SYNE4: variants seen among roughly 807,000 people sequenced by gnomAD.
SYNE4 encodes nesprin-4.
In SYNE4, 41 loss-of-function variants were observed where a neutral mutation model predicts 46.9. The observed-to-expected ratio is 0.87, with a 90% CI of 0.68 to 1.13. The LOEUF (loss-of-function observed/expected upper bound fraction) is 1.13, where lower values mean the gene tolerates loss of function less well. Among genes scored for constraint, SYNE4 ranks in the 50% most tolerant of loss-of-function variants. SYNE4 has a pLI of 0.00. For synonymous variants in SYNE4, 221 were observed against 219.5 expected (o/e 1.01, Z -0.06); for missense variants, 492 against 514.8 (o/e 0.96, Z 0.43).
At chr19:36,004,391 C>T (rs1976780093) in intron 6 of SYNE4, among the ~76,000 whole-genome samples, 2 of 152,210 alleles carry the variant, frequency 1.3e-5, no homozygotes, top group Admixed American at 6.5e-5. Context: ...ATTTCTTCTC[C>T]TTTCCTGGCA....
At position 36,008,703 on chromosome 19, in the gene SYNE4, AAGTC is replaced by A. The variant is rs1568532962; in HGVS notation, c.-26_-23del. ...CCATGGCTGGGGGCCTGGGGACACA[AAGTC>A]AGGTGAGGGCAGCCAGTAAGACCTC... On this transcript the variant is annotated 5_prime_UTR_variant, in exon 1 of 8. Transcript: ENST00000324444. 6.3e-7 allele frequency: 1 copy of A among 1,596,896 alleles called. No individual in the cohort carries two copies. Among genetic ancestry groups the A allele is most frequent in the Non-Finnish European group, 8.5e-7 (1 of 1,172,206 alleles).
chr19:36,008,462 G>A (rs1424639149), intron 1 of SYNE4, 92 bp downstream of exon 1: 7 of 1,601,230 alleles, frequency 4.4e-6, no homozygotes, highest in East Asian at 2.2e-5. Flanking sequence ...ATGTCCCCAG[G>A]CGATCACAGC....
rs1317180828 is a variant in SYNE4, at chr19:36,003,602, A to G, written c.1031+11T>C. ...CCCCCACACCCTAGTCCCATCTCTC[A>G]GGCACCTCACCCTGGATTCCCCTCC... On this transcript the variant is annotated intron_variant, in intron 7 of 7. Transcript: ENST00000324444. The G allele has an allele frequency of 6.2e-7, 1 of 1,612,332 alleles. No homozygotes were observed. Among genetic ancestry groups the G allele is most frequent in the Non-Finnish European group, 8.5e-7 (1 of 1,179,372 alleles).
chr19:36,005,693 C>T (rs1245641992), intron 5 of SYNE4: 1 of 434,012 alleles, frequency 2.3e-6, no homozygotes, highest in Non-Finnish European at 4.2e-6. Flanking sequence ...CTCCGTGGAG[C>T]TTATATTTGA....
chr19:36,003,807 C>A, intron 6 of SYNE4, 136 bp from the exon 7 acceptor site: 1 of 1,313,734 alleles, frequency 7.6e-7, no homozygotes. Flanking sequence ...GCAACCTCAG[C>A]CTCCCGGGTT....
chr19:36,004,663 C>A (rs1976785618), intron 6 of SYNE4, among the ~76,000 whole-genome samples: 1 of 152,146 alleles, frequency 6.6e-6, no homozygotes, highest in African/African-American at 2.4e-5. Flanking sequence ...CAGCCCATGA[C>A]CCCATCCGGT....
In SYNE4 at chr19:36,003,368, A is replaced by C; in HGVS notation, c.1184T>G (p.Leu395Arg). 6.2e-7 allele frequency: 1 copy of C among 1,614,146 alleles called. No individual in the cohort carries two copies. The highest frequency in any genetic ancestry group is 8.5e-7 in the Non-Finnish European group (1 of 1,180,024). ...TGGGGGAAGACCATTGACATAGCTG[A>C]GCACCAGGTAGGGTGTCCTGGGTAT... is the stretch of plus-strand genomic sequence containing the variant. ...ARIPRTPYLV[L>R]SYVNGLPPV Residue 395 changes from leucine to arginine, a missense_variant, in exon 8 of 8, where the codon CTC becomes CGC. Transcript: ENST00000324444.
Position 36,003,309 on chromosome 19 carries a change from C to G in SYNE4, c.*28G>C. 2.5e-6 allele frequency: 4 copies of G among 1,613,188 alleles called. No individual in the cohort carries two copies. The highest frequency in any genetic ancestry group is 1.7e-6 in the Non-Finnish European group (2 of 1,179,632). On this transcript the variant is annotated 3_prime_UTR_variant, in exon 8 of 8. Coordinates refer to ENST00000324444, the MANE Select transcript of SYNE4 (RefSeq NM_001039876.3). Reference sequence around the variant, plus strand: ...AAGGCACCTAGTATCTTCACACATCCTTTGACAGTGACCATTTATTACACA... The same window carrying G: ...AAGGCACCTAGTATCTTCACACATCGTTTGACAGTGACCATTTATTACACA...
chr19:36,006,898 A>G lies in SYNE4; in HGVS notation c.470T>C (p.Leu157Pro). The change falls in exon 4 of 8, where the codon CTG becomes CCG. Residue 157 changes from leucine (L) to proline (P), a missense_variant. Coordinates refer to ENST00000324444, the MANE Select transcript of SYNE4 (RefSeq NM_001039876.3). ...TGCCAGCCCCTCACCAAACGCTAGC[A>G]GCGCCTCCACACGCTCAGCTGCCCC... ...LRGAAERVEA[L>P]LAFGEGLAQR... is the part of the protein sequence containing the mutation. The G allele has an allele frequency of 2.6e-6, 4 of 1,558,746 alleles. No homozygotes were observed. The highest frequency in any genetic ancestry group is 3.5e-6 in the Non-Finnish European group (4 of 1,151,748).
chr19:36,005,206 C>T, intron 6 of SYNE4, 127 bp downstream of exon 6: 2 of 998,258 alleles, frequency 2.0e-6, no homozygotes, highest in South Asian at 1.6e-5. Flanking sequence ...TTCAACAGTG[C>T]CTGGACCTTT....
At chr19:36,004,291 G>A (rs1445329480) in intron 6 of SYNE4, among the ~76,000 whole-genome samples, 2 of 152,116 alleles carry the variant, frequency 1.3e-5, no homozygotes, top group African/African-American at 4.8e-5. Context: ...CCAAAGTGTT[G>A]GGATCACAGG....
At chr19:36,004,614 A>G (rs1431739223) in intron 6 of SYNE4, among the ~76,000 whole-genome samples, 1 of 152,238 alleles carries the variant, frequency 6.6e-6, no homozygotes, top group Admixed American at 6.5e-5. Context: ...GGTGTGACCC[A>G]GACCTGGCCA....
At position 36,005,223 on chromosome 19, in the gene SYNE4, C is replaced by CT. The variant is rs557191535; in HGVS notation, c.972+109dup. 165,907 of 881,282 alleles carry CT rather than the reference C, an allele frequency of 0.19. 3,612 individuals carry two copies. Among genetic ancestry groups the CT allele is most frequent in the Admixed American group, 0.29 (10,798 of 37,872 alleles). The allele number at this position is 881,282 out of a possible 1,614,324, so 54.6% of individuals were successfully genotyped here. On this transcript the variant is annotated intron_variant, in intron 6 of 7. Coordinates refer to ENST00000324444, the MANE Select transcript of SYNE4 (RefSeq NM_001039876.3). ...CAACAGTGCCTGGACCTTTCCATTA[C>CT]TTTTTTTTTTTTTAATAGCATTCCC...
At chr19:36,008,509 A>C in intron 1 of SYNE4, 45 bp downstream of exon 1, 1 of 1,611,820 alleles carries the variant, frequency 6.2e-7, no homozygotes, top group Non-Finnish European at 8.5e-7. Flanking sequence ...CCCTGCCACC[A>C]CGCCTACCCT....
At position 36,008,635 on chromosome 19, in the gene SYNE4, AG is replaced by A. The variant is rs764476302; in HGVS notation, c.46del (p.Leu16SerfsTer87). ...PLGPRLGSEP[L>X]NHPPGAPREA... Reference sequence around the variant, plus strand: ...TCTAGGTGCTCCCGGTGGGTGGTTGAGGGGCTCTGAGCCAAGTCTAGGGCCC... The same window carrying A: ...TCTAGGTGCTCCCGGTGGGTGGTTGAGGGCTCTGAGCCAAGTCTAGGGCCC... On this transcript the variant is annotated frameshift_variant, in exon 1 of 8. Coordinates refer to ENST00000324444, the MANE Select transcript of SYNE4 (RefSeq NM_001039876.3). LOFTEE classifies it high-confidence loss of function. The A allele has an allele frequency of 1.9e-6, 3 of 1,613,746 alleles. No individual in the cohort carries two copies. Among genetic ancestry groups the A allele is most frequent in the Admixed American group, 1.7e-5 (1 of 59,970 alleles).
chr19:36,003,571 C>T (rs1421536443), intron 7 of SYNE4, 42 bp downstream of exon 7: 1 of 1,607,632 alleles, frequency 6.2e-7, no homozygotes, highest in Non-Finnish European at 8.5e-7. Flanking sequence ...CTGCTAGGAG[C>T]TCTGTCCCCC....
At position 36,005,453 on chromosome 19, in the gene SYNE4, CAAAG is replaced by C. The variant is rs768647005; in HGVS notation, c.868-20_868-17del. The C allele has an allele frequency of 1.2e-6, 2 of 1,613,222 alleles. No homozygotes were observed. Among genetic ancestry groups the C allele is most frequent in the South Asian group, 1.1e-5 (1 of 91,028 alleles). Reference sequence around the variant, plus strand: ...TGTCTGCTTCCTGGAGAACCAGCAACAAAGAAAAACGTGGTTGGGGGAGGGCCAG... The same window carrying C: ...TGTCTGCTTCCTGGAGAACCAGCAACAAAAACGTGGTTGGGGGAGGGCCAG... On this transcript the variant is annotated splice_polypyrimidine_tract_variant and intron_variant, in intron 5 of 7. Transcript: ENST00000324444.
chr19:36,007,399 A>G (rs1007369190), intron 2 of SYNE4, 131 bp from the exon 3 acceptor site: 2 of 1,432,512 alleles, frequency 1.4e-6, no homozygotes, highest in African/African-American at 2.9e-5. Flanking sequence ...GTCTGTCTGC[A>G]CCAGGATGGC....
Position 36,005,517 on chromosome 19 carries a change from G to A in SYNE4, c.868-80C>T, listed in dbSNP as rs75364071. 3.0e-4 allele frequency: 404 copies of A among 1,328,400 alleles called. 1 individual carries two copies. In the African/African-American group the frequency reaches 5.2e-3, roughly 17 times the overall value. 82.3% of individuals were successfully genotyped at this position (1,328,400 alleles called of 1,614,324 possible). A position where few individuals can be genotyped will look rare whatever the true frequency, so the allele number is the denominator to read the frequency against. On this transcript the variant is annotated intron_variant, in intron 5 of 7. Transcript: ENST00000324444. Reference sequence around the variant, plus strand: ...GTCATAGAGATGAGATTCTGGGGGAGCAGAGAGATCTCACAGGACAGACAA... The same window carrying A: ...GTCATAGAGATGAGATTCTGGGGGAACAGAGAGATCTCACAGGACAGACAA...
Sources: gnomAD v4.1 joint callset for allele counts (sites outside exome capture counted in the v4.1 genomes callset) on GRCh38, gnomAD v4.1.1 for gene constraint, MANE v1.5 for transcripts, NCBI Gene and HGNC (gene_info 2026-07-23, HGNC 2026-07-21) for gene names.